CADPS2: variants seen among roughly 807,000 people sequenced by gnomAD.
The protein encoded by CADPS2 is calcium dependent secretion activator 2, also known as calcium-dependent secretion activator 2.
A neutral mutation model predicts 172.5 loss-of-function variants in CADPS2; 93 were observed. The ratio of observed to expected loss-of-function variants is 0.54; its 90% CI spans 0.46 to 0.64. The LOEUF (loss-of-function observed/expected upper bound fraction) is 0.64. Ranked by LOEUF, CADPS2 falls within the 30% of genes least tolerant of loss-of-function variation. The probability of loss-of-function intolerance (pLI) is 0.00; values close to 1 mark genes in which losing one functional copy is unlikely to be tolerated. For synonymous variants in CADPS2, 546 were observed against 555.2 expected (o/e 0.98, Z 0.23); for missense variants, 1,420 against 1,565.9 (o/e 0.91, Z 1.57).
chr7:122,804,455 T>G (rs1047240716), intron 1 of CADPS2, among the ~76,000 whole-genome samples: 1 of 152,208 alleles, frequency 6.6e-6, no homozygotes, highest in Non-Finnish European at 1.5e-5. Flanking sequence ...GAATGGCTGA[T>G]GATTTTAGAA....
At chr7:122,882,961 T>C (rs1416440997) in intron 1 of CADPS2, among the ~76,000 whole-genome samples, 2 of 152,160 alleles carry the variant, frequency 1.3e-5, no homozygotes, top group Non-Finnish European at 2.9e-5. Context: ...TGTCACAGTG[T>C]GTAGCCCATA....
chr7:122,805,933 T>C (rs1798705074), intron 1 of CADPS2, among the ~76,000 whole-genome samples: 1 of 152,242 alleles, frequency 6.6e-6, no homozygotes, highest in Non-Finnish European at 1.5e-5. Context: ...TTTTAAATAT[T>C]TTTAAACTTG....
chr7:122,692,846 C>T (rs2084575122), intron 2 of CADPS2, among the ~76,000 whole-genome samples: 1 of 152,236 alleles, frequency 6.6e-6, no homozygotes, highest in Non-Finnish European at 1.5e-5. Context: ...TCTGTCTTGG[C>T]TGCTTGAGCT....
At chr7:122,426,356 C>CT (rs1264269029) in intron 17 of CADPS2, 2 of 152,188 alleles carry the variant, frequency 1.3e-5, no homozygotes, top group African/African-American at 4.8e-5. Flanking sequence ...TTCTACAGCT[C>CT]TAACATCACA....
chr7:122,728,045 A>C (rs2091281308), intron 2 of CADPS2, among the ~76,000 whole-genome samples: 2 of 151,958 alleles, frequency 1.3e-5, no homozygotes, highest in Admixed American at 1.3e-4. Context: ...CTCACTACAA[A>C]AAAAATAGGC....
chr7:122,886,321 G>A lies in CADPS2; in HGVS notation c.17C>T (p.Ser6Phe). Reference protein sequence around the residue: MLDPSSSEEESDEGLE... With the variant: MLDPSFSEEESDEGLE... ...CCCCTCGTCCGACTCCTCTTCGCTG[G>A]AAGACGGGTCCAGCATGGTGCTCGG... Residue 6 changes from serine (S) to phenylalanine (F), a missense_variant, in exon 1 of 30, where the codon TCC becomes TTC. Physicochemically the swap from Ser to Phe is radical, Grantham distance 155. Coordinates refer to ENST00000449022, the MANE Select transcript of CADPS2 (RefSeq NM_017954.11). 2.0e-6 allele frequency: 3 copies of A among 1,503,176 alleles called. No individual in the cohort carries two copies. The highest frequency in any genetic ancestry group is 2.6e-6 in the Non-Finnish European group (3 of 1,134,758). The allele number at this position is 1,503,176 out of a possible 1,614,324, so 93.1% of individuals were successfully genotyped here.
At chr7:122,587,090 C>T (rs2069831657) in intron 6 of CADPS2, among the ~76,000 whole-genome samples, 1 of 151,630 alleles carries the variant, frequency 6.6e-6, no homozygotes, top group Non-Finnish European at 1.5e-5. Context: ...TATGATTTTT[C>T]ATGCTGAATT....
At chr7:122,457,050 T>C (rs2053871121) in intron 14 of CADPS2, among the ~76,000 whole-genome samples, 1 of 152,210 alleles carries the variant, frequency 6.6e-6, no homozygotes, top group African/African-American at 2.4e-5. Flanking sequence ...AAGTCAGGAA[T>C]GAGAGGAGTA....
chr7:122,813,991 A>G (rs1001035877), intron 1 of CADPS2, among the ~76,000 whole-genome samples: 1 of 151,960 alleles, frequency 6.6e-6, no homozygotes, highest in African/African-American at 2.4e-5. Flanking sequence ...TACTTCGTCA[A>G]TGTGTATACA....
chr7:122,723,370 T>A (rs1450908925), intron 2 of CADPS2, among the ~76,000 whole-genome samples: 1 of 152,054 alleles, frequency 6.6e-6, no homozygotes, highest in Non-Finnish European at 1.5e-5. Context: ...GGGCAAAGCA[T>A]ATGAACAGAC....
chr7:122,361,320 A>G (rs751350977), intron 25 of CADPS2, among the ~76,000 whole-genome samples: 2 of 140,066 alleles, frequency 1.4e-5, no homozygotes, highest in Non-Finnish European at 3.0e-5. Flanking sequence ...TGCAACCTCC[A>G]CCTCCCGAGT....
chr7:122,506,532 C>G (rs576038548), intron 9 of CADPS2, among the ~76,000 whole-genome samples: 2 of 152,108 alleles, frequency 1.3e-5, no homozygotes, highest in Non-Finnish European at 2.9e-5. Flanking sequence ...TGTCTGTGTC[C>G]ACACATGTTA....
chr7:122,868,613 A>G (rs572210080), intron 1 of CADPS2, among the ~76,000 whole-genome samples: 1 of 152,192 alleles, frequency 6.6e-6, no homozygotes, highest in South Asian at 2.1e-4. Context: ...CACTCCAACA[A>G]GACAGGAAGG....
chr7:122,563,580 CTTAA>C (rs2066028559), intron 7 of CADPS2, among the ~76,000 whole-genome samples: 1 of 152,090 alleles, frequency 6.6e-6, no homozygotes, highest in Non-Finnish European at 1.5e-5. Context: ...ATATTATCTC[CTTAA>C]TTATTTCATA....
intron 8 of CADPS2, among the ~76,000 whole-genome samples, chr7:122,515,090 T>C (rs2060259212): frequency 6.6e-6 from 1 of 152,186 alleles, no homozygotes; most frequent in African/African-American, 2.4e-5. Flanking sequence ...AGTTCTTGCA[T>C]TGTAAAACAT....
intron 1 of CADPS2, among the ~76,000 whole-genome samples, chr7:122,869,235 C>T (rs1819095540): frequency 6.6e-6 from 1 of 151,902 alleles, no homozygotes; most frequent in Non-Finnish European, 1.5e-5. Flanking sequence ...AATCCAGAGA[C>T]CCACAATAAG....
chr7:122,388,721 G>A lies in CADPS2; in HGVS notation c.3026C>T (p.Ser1009Leu). The A allele has an allele frequency of 3.1e-6, 5 of 1,607,436 alleles. No individual in the cohort carries two copies. Among genetic ancestry groups the A allele is most frequent in the Non-Finnish European group, 4.3e-6 (5 of 1,175,738 alleles). Residue 1009 changes from serine to leucine, a missense_variant, in exon 23 of 30, where the codon TCA becomes TTA. Ser to Leu is a moderately radical substitution (Grantham distance 145). Coordinates refer to ENST00000449022, the MANE Select transcript of CADPS2 (RefSeq NM_017954.11). ...ATCAAGCTTCCAAAAAAGGTCTTCT[G>A]ATGTTGCTGAGCCATTGCTAGAAGA... is the stretch of plus-strand genomic sequence containing the variant. ...LYESTNGSAT[S>L]EDLFWKLDAL... is the part of the protein sequence containing the mutation.
chr7:122,504,778 T>C (rs2059487092), intron 9 of CADPS2, among the ~76,000 whole-genome samples: 1 of 152,070 alleles, frequency 6.6e-6, no homozygotes, highest in Non-Finnish European at 1.5e-5. Context: ...TTGTTCAGAC[T>C]GGTCTCAAGC....
chr7:122,739,054 C>T lies in CADPS2; in HGVS notation c.340-1986G>A, dbSNP rs557857866. 6.6e-5 allele frequency among the ~76,000 whole-genome samples: 10 copies of T among 152,086 alleles called. No homozygotes were observed. The South Asian group carries it at 1.9e-3, about 28-fold the overall frequency. On this transcript the variant is annotated intron_variant, in intron 1 of 29. Transcript: ENST00000449022. ...CTTTTGTATGGGTGCATACTAGCAA[C>T]GCAAATTAAGTTCATGACTTTAGCT...
Sources: gnomAD v4.1 joint callset for allele counts (sites outside exome capture counted in the v4.1 genomes callset) on GRCh38, gnomAD v4.1.1 for gene constraint, MANE v1.5 for transcripts, NCBI Gene and HGNC (gene_info 2026-07-23, HGNC 2026-07-21) for gene names.